CDH4: variants seen among roughly 807,000 people sequenced by gnomAD.
CDH4 encodes cadherin 4.
CDH4 carries 33 observed loss-of-function variants against 86.0 expected under a neutral mutation model. The observed-to-expected ratio is 0.38, with a 90% CI of 0.29 to 0.51. CDH4 has a LOEUF of 0.51. CDH4 is among the 20% of genes least tolerant of loss of function. The pLI is 0.86. For missense variants in CDH4, 1,114 were observed against 1,307.4 expected, an observed-to-expected ratio of 0.85 and a Z score of 2.28; for synonymous variants, 555 against 549.4, an observed-to-expected ratio of 1.01 and a Z score of -0.14.
intron 2 of CDH4, among the ~76,000 whole-genome samples, chr20:61,678,302 G>C (rs2087469668): frequency 6.6e-6 from 1 of 151,888 alleles, no homozygotes; most frequent in Admixed American, 6.5e-5. Context: ...TGGATGGGTG[G>C]ATGGATGGAC....
At chr20:61,581,909 G>A (rs965811808) in intron 2 of CDH4, among the ~76,000 whole-genome samples, 3 of 152,142 alleles carry the variant, frequency 2.0e-5, no homozygotes, top group African/African-American at 4.8e-5. Flanking sequence ...CTCCCCAGCC[G>A]GTAGACCTGA....
chr20:61,452,613 T>C (rs1032868517), intron 2 of CDH4, among the ~76,000 whole-genome samples: 2 of 152,218 alleles, frequency 1.3e-5, no homozygotes, highest in African/African-American at 4.8e-5. Flanking sequence ...TGCTATTTAT[T>C]CAGTTTTTAA....
At chr20:61,550,784 C>T (rs539906813) in intron 2 of CDH4, among the ~76,000 whole-genome samples, 21 of 152,348 alleles carry the variant, frequency 1.4e-4, no homozygotes, top group Non-Finnish European at 2.5e-4. Context: ...TAGGACCTGG[C>T]CTCCTGGTGG....
At chr20:61,653,143 C>T (rs1403666659) in intron 2 of CDH4, among the ~76,000 whole-genome samples, 2 of 124,758 alleles carry the variant, frequency 1.6e-5, no homozygotes, top group East Asian at 2.0e-4. Context: ...TGACTCTTAA[C>T]GAGCATACTG....
intron 4 of CDH4, among the ~76,000 whole-genome samples, chr20:61,801,879 A>T (rs773008180): frequency 6.6e-6 from 1 of 152,224 alleles, no homozygotes; most frequent in Non-Finnish European, 1.5e-5. Context: ...TCATCTCAAG[A>T]TCCTTCACTC....
chr20:61,272,836 G>A (rs943063584), intron 2 of CDH4, among the ~76,000 whole-genome samples: 9 of 150,080 alleles, frequency 6.0e-5, no homozygotes, highest in African/African-American at 2.2e-4. Context: ...TGTGCAGTTT[G>A]GGGGAGCACC....
chr20:61,545,331 A>G (rs544977445), intron 2 of CDH4, among the ~76,000 whole-genome samples: 4 of 152,372 alleles, frequency 2.6e-5, no homozygotes, highest in East Asian at 1.9e-4. Flanking sequence ...TGCAACGTCA[A>G]TTAACATTTC....
intron 2 of CDH4, among the ~76,000 whole-genome samples, chr20:61,559,363 T>C (rs1302912880): frequency 6.6e-6 from 1 of 152,022 alleles, no homozygotes; most frequent in Admixed American, 6.5e-5. Flanking sequence ...CTCGTTGGAA[T>C]GCTGATGGCC....
Position 61,792,514 on chromosome 20 carries a change from T to C in CDH4, c.576+19332T>C, listed in dbSNP as rs902075090. 3.3e-5 allele frequency among the ~76,000 whole-genome samples: 5 copies of C among 152,184 alleles called. No homozygotes were observed. In the East Asian group the frequency reaches 7.7e-4, roughly 23 times the overall value. ...GGGCTCTGTGTTCAGCTCTCCAGGATGCTGCAGGAAAGCAGGAAATCAAAT... is the reference window on the plus strand; with the variant it reads ...GGGCTCTGTGTTCAGCTCTCCAGGACGCTGCAGGAAAGCAGGAAATCAAAT... On this transcript the variant is annotated intron_variant, in intron 4 of 15. Coordinates refer to ENST00000614565, the MANE Select transcript of CDH4 (RefSeq NM_001794.5).
At chr20:61,688,429 T>A (rs143934798) in intron 2 of CDH4, among the ~76,000 whole-genome samples, 1 of 152,176 alleles carries the variant, frequency 6.6e-6, no homozygotes, top group Admixed American at 6.5e-5. Flanking sequence ...GGAATAGCTG[T>A]CAATCTGATA....
At chr20:61,566,995 G>C (rs1243958306) in intron 2 of CDH4, among the ~76,000 whole-genome samples, 1 of 152,162 alleles carries the variant, frequency 6.6e-6, no homozygotes, top group Non-Finnish European at 1.5e-5. Context: ...GATGGGAGGA[G>C]GGGGAGCTTT....
rs1027120300 is a variant in CDH4 at position 61,849,767 on chromosome 20, C to T, written c.733-2987C>T. On this transcript the variant is annotated intron_variant, in intron 5 of 15. Coordinates refer to ENST00000614565, the MANE Select transcript of CDH4 (RefSeq NM_001794.5). Reference sequence around the variant, plus strand: ...GTGCATAGGATGCCCGCATGCCCTTCTCTCCTGCCTCCAGCTGGAGAACGT... The same window carrying T: ...GTGCATAGGATGCCCGCATGCCCTTTTCTCCTGCCTCCAGCTGGAGAACGT... 5.3e-5 allele frequency among the ~76,000 whole-genome samples: 8 copies of T among 152,366 alleles called. No homozygotes were observed. The East Asian group carries it at 1.5e-3, about 29-fold the overall frequency.
At chr20:61,883,735 G>T (rs960178585) in intron 7 of CDH4, among the ~76,000 whole-genome samples, 4 of 152,178 alleles carry the variant, frequency 2.6e-5, no homozygotes, top group Non-Finnish European at 5.9e-5. Flanking sequence ...GCCCCAGGGA[G>T]GAGCCCCCAG....
chr20:61,905,363 G>T (rs561776722), intron 8 of CDH4, among the ~76,000 whole-genome samples: 4 of 152,324 alleles, frequency 2.6e-5, no homozygotes, highest in East Asian at 3.9e-4. Context: ...GGGAATGGAC[G>T]CAGAGAGCGC....
At chr20:61,491,294 CTTGG>C (rs979035908) in intron 2 of CDH4, among the ~76,000 whole-genome samples, 17 of 152,332 alleles carry the variant, frequency 1.1e-4, no homozygotes, top group African/African-American at 3.4e-4. Context: ...ACACAGGTTA[CTTGG>C]TTGGGCTGTA....
At position 61,928,253 on chromosome 20, in the gene CDH4, C is replaced by G. The variant is rs951281332; in HGVS notation, c.1835C>G (p.Ala612Gly). The G allele has an allele frequency of 1.9e-6, 3 of 1,607,760 alleles. No homozygotes were observed. In the African/African-American group the frequency reaches 4.0e-5, roughly 21 times the overall value. ...QIYLIDINDN[A>G]PELLPKEAQI... ...TATCTCATTGACATCAACGACAACG[C>G]CCCTGAGCTGCTGCCCAAGGAGGCG... The change falls in exon 12 of 16, where the codon GCC becomes GGC. Residue 612 changes from alanine (A) to glycine (G), a missense_variant. This residue lies in a region of CDH4 where 705 missense variants were observed against 914.1 expected (regional missense o/e 0.77). Transcript: ENST00000614565.
chr20:61,395,335 C>T (rs2085010670), intron 2 of CDH4, among the ~76,000 whole-genome samples: 2 of 152,104 alleles, frequency 1.3e-5, no homozygotes, highest in East Asian at 1.9e-4. Flanking sequence ...GTTAAAGTTG[C>T]AAAAATAAAT....
At chr20:61,858,761 C>T (rs147688689) in intron 6 of CDH4, among the ~76,000 whole-genome samples, 140 of 152,290 alleles carry the variant, frequency 9.2e-4, no homozygotes, top group African/African-American at 3.0e-3. Context: ...CTTTCTGTGG[C>T]GTAGAATTCC....
chr20:61,773,004 C>T lies in CDH4; in HGVS notation c.398C>T (p.Pro133Leu). 6.2e-7 allele frequency: 1 copy of T among 1,606,858 alleles called. No individual in the cohort carries two copies. Among genetic ancestry groups the T allele is most frequent in the South Asian group, 1.1e-5 (1 of 90,464 alleles). ...CTTCTCTCCCCTTTCCAAATAAAGC[C>T]GCAGAAAGGAAAGAAGGTCGTGGCT... Reference protein sequence around the residue: ...QTSSPHSGHKPQKGKKVVALD... With the variant: ...QTSSPHSGHKLQKGKKVVALD... Residue 133 changes from proline (P) to leucine (L), a missense_variant and splice_region_variant, in exon 4 of 16, where the codon CCG (proline) becomes CTG (leucine). Pro to Leu is a moderately conservative substitution (Grantham distance 98). Around this residue, in one of 3 missense-constraint regions of CDH4, gnomAD observed 221 missense variants for 209.5 expected, o/e 1.05. Transcript: ENST00000614565.
Sources: gnomAD v4.1 joint callset for allele counts (sites outside exome capture counted in the v4.1 genomes callset) on GRCh38, gnomAD v4.1.1 for gene constraint, gnomAD v4.1.1 regional missense constraint, MANE v1.5 for transcripts, NCBI Gene and HGNC (gene_info 2026-07-23, HGNC 2026-07-21) for gene names.